CEP63: variants seen among roughly 807,000 people sequenced by gnomAD.
The protein encoded by CEP63 is centrosomal protein 63.
CEP63 carries 84 observed loss-of-function variants against 89.1 expected under a neutral mutation model. That is an observed-to-expected ratio of 0.94 (90% confidence interval 0.79 to 1.13). The LOEUF (loss-of-function observed/expected upper bound fraction) is 1.13, where lower values mean the gene tolerates loss of function less well. CEP63 is among the 50% of genes most tolerant of loss of function. CEP63 has a pLI of 0.00. For missense variants in CEP63, 838 were observed against 813.3 expected (o/e 1.03, Z -0.37); for synonymous variants, 267 against 272.5 (o/e 0.98, Z 0.20).
the CEP63 span, among the ~76,000 whole-genome samples, chr3:134,750,798 C>T: frequency 6.6e-6 from 1 of 152,140 alleles, no homozygotes; most frequent in East Asian, 1.9e-4. Flanking sequence ...GGTTTATGTC[C>T]AAAACCAACA....
At chr3:134,652,637 T>TACAC in the CEP63 span, among the ~76,000 whole-genome samples, 5 of 145,172 alleles carry the variant, frequency 3.4e-5, no homozygotes, top group African/African-American at 9.9e-5. Flanking sequence ...TGTGTGCAGG[T>TACAC]ACACACACAC....
At chr3:134,593,230 G>A in the CEP63 span, among the ~76,000 whole-genome samples, 3 of 152,080 alleles carry the variant, frequency 2.0e-5, no homozygotes, top group Non-Finnish European at 4.4e-5. Flanking sequence ...GATTCCTTAG[G>A]GAACAATACA....
chr3:134,760,063 T>C, the CEP63 span, among the ~76,000 whole-genome samples: 1 of 149,574 alleles, frequency 6.7e-6, no homozygotes, highest in African/African-American at 2.5e-5. Flanking sequence ...ACTTTCTTTT[T>C]TTTTTTTTTT....
chr3:134,733,366 CA>C, the CEP63 span, among the ~76,000 whole-genome samples: 28,593 of 141,336 alleles, frequency 0.2, 3,127 homozygotes, highest in South Asian at 0.38. Context: ...ACTTTAAAGA[CA>C]AAAAAAAAAA....
At chr3:134,537,302 A>G in intron 6 of CEP63, 34 bp downstream of exon 6, 1 of 1,399,904 alleles carries the variant, frequency 7.1e-7, no homozygotes, top group East Asian at 2.3e-5. Flanking sequence ...AATGAGAAGC[A>G]GATAGGTTTT....
the CEP63 span, chr3:134,780,490 T>A: frequency 2.6e-5 from 4 of 152,348 alleles, no homozygotes; most frequent in South Asian, 8.3e-4. Context: ...TTCATGTAAG[T>A]GGAGACATAC....
At chr3:134,740,405 C>T in the CEP63 span, among the ~76,000 whole-genome samples, 1 of 152,016 alleles carries the variant, frequency 6.6e-6, no homozygotes, top group Non-Finnish European at 1.5e-5. Flanking sequence ...TCACACTATT[C>T]TCCTGCCTCA....
At chr3:134,612,196 G>A in the CEP63 span, among the ~76,000 whole-genome samples, 3,659 of 152,296 alleles carry the variant, frequency 0.024, 147 homozygotes, top group African/African-American at 0.084. Flanking sequence ...AGCCCTCTAA[G>A]GAATCCCATA....
the CEP63 span, among the ~76,000 whole-genome samples, chr3:134,705,387 T>C: frequency 3.3e-5 from 5 of 152,210 alleles, no homozygotes; most frequent in South Asian, 1.0e-3. Flanking sequence ...TGAGAACTAA[T>C]CCAGTCTCAC....
intron 10 of CEP63, among the ~76,000 whole-genome samples, chr3:134,584,447 G>A (rs905284560): frequency 6.6e-6 from 1 of 152,134 alleles, no homozygotes; most frequent in Non-Finnish European, 1.5e-5. Flanking sequence ...TGTGGTTTTT[G>A]TCGTTGGTTC....
the CEP63 span, among the ~76,000 whole-genome samples, chr3:134,740,391 G>A: frequency 1.3e-4 from 20 of 151,708 alleles, no homozygotes; most frequent in Middle Eastern, 3.2e-3. Flanking sequence ...TCCGCTTCCC[G>A]GGTTCACACT....
the CEP63 span, among the ~76,000 whole-genome samples, chr3:134,639,070 G>GTTT: frequency 0.012 from 1,499 of 128,518 alleles, 28 homozygotes; most frequent in African/African-American, 0.033. Context: ...CTACTTTGGA[G>GTTT]TTTTTTTTTT....
the CEP63 span, among the ~76,000 whole-genome samples, chr3:134,772,378 G>C: frequency 1.3e-5 from 2 of 152,184 alleles, no homozygotes; most frequent in African/African-American, 4.8e-5. Context: ...CATAATGGGA[G>C]ACTATAATGG....
At chr3:134,677,879 A>C in the CEP63 span, among the ~76,000 whole-genome samples, 2 of 151,794 alleles carry the variant, frequency 1.3e-5, no homozygotes, top group Admixed American at 1.3e-4. Context: ...GCCGTGTCCC[A>C]AGTATTCCTG....
the CEP63 span, among the ~76,000 whole-genome samples, chr3:134,730,996 A>G: frequency 6.6e-6 from 1 of 152,208 alleles, no homozygotes. Context: ...GTATAGCTAC[A>G]TTAATATTTA....
the CEP63 span, among the ~76,000 whole-genome samples, chr3:134,757,753 G>C: frequency 5.3e-5 from 8 of 152,278 alleles, no homozygotes; most frequent in African/African-American, 1.9e-4. Flanking sequence ...GACGAGTCTG[G>C]TTGGAAGGCA....
chr3:134,651,900 C>A, the CEP63 span, among the ~76,000 whole-genome samples: 1 of 152,114 alleles, frequency 6.6e-6, no homozygotes, highest in Non-Finnish European at 1.5e-5. Flanking sequence ...TGCCTGGTAC[C>A]CCTGGGCACT....
In CEP63 at chr3:134,584,477, A is replaced by C. The variant is rs188363494; in HGVS notation, c.1207-2981A>C. ...TGGTTCTGTTTATGTGATGGATTAC[A>C]TTTGTTGATTTGCATATGTTGAACC... On this transcript the variant is annotated intron_variant, in intron 10 of 10. Coordinates refer to the CEP63 transcript ENST00000683931. Among the ~76,000 whole-genome samples the C allele has an allele frequency of 3.3e-5, 5 of 152,266 alleles. No homozygotes were observed. In the East Asian group the frequency reaches 9.6e-4, roughly 29 times the overall value.
At chr3:134,618,679 A>C in the CEP63 span, among the ~76,000 whole-genome samples, 1 of 152,192 alleles carries the variant, frequency 6.6e-6, no homozygotes, top group Admixed American at 6.5e-5. Context: ...CAGCGACTCC[A>C]AGAGTAGCCG....
Sources: allele counts gnomAD v4.1 joint callset (sites outside exome capture counted in the v4.1 genomes callset), GRCh38; gene constraint gnomAD v4.1.1; transcripts MANE v1.5; gene names NCBI Gene and HGNC (gene_info 2026-07-23, HGNC 2026-07-21).